LRP1B: variants seen among roughly 807,000 people sequenced by gnomAD.
LRP1B encodes LDL receptor related protein 1B.
Under a neutral mutation model 556.6 loss-of-function variants are expected in LRP1B, and 217 were observed. The ratio of observed to expected loss-of-function variants is 0.39; its 90% CI spans 0.35 to 0.44. LRP1B has a LOEUF of 0.44. LRP1B is among the 20% of genes least tolerant of loss of function. The probability of loss-of-function intolerance (pLI) is 1.00; values close to 1 mark genes in which losing one functional copy is unlikely to be tolerated. For missense variants in LRP1B, 5,053 were observed against 5,620.8 expected (o/e 0.90, Z 3.23); for synonymous variants, 2,047 against 1,865.8 (o/e 1.10, Z -2.50).
At chr2:141,717,193 C>T (rs966880047) in intron 2 of LRP1B, among the ~76,000 whole-genome samples, 3 of 152,146 alleles carry the variant, frequency 2.0e-5, no homozygotes, top group Admixed American at 6.5e-5. Context: ...GTCCAGAAAG[C>T]AATTTTCTCT....
chr2:140,357,849 G>C, intron 74 of LRP1B, 130 bp downstream of exon 74: 1 of 1,063,980 alleles, frequency 9.4e-7, no homozygotes, highest in Non-Finnish European at 1.3e-6. Context: ...TTTGGCAAAG[G>C]TTTTTGAAAA....
chr2:141,912,014 T>C (rs1699918656), intron 1 of LRP1B, among the ~76,000 whole-genome samples: 1 of 152,226 alleles, frequency 6.6e-6, no homozygotes. Flanking sequence ...ATTTAGTCTC[T>C]GAAATGTCTT....
intron 2 of LRP1B, among the ~76,000 whole-genome samples, chr2:141,696,588 A>C (rs1417873256): frequency 6.6e-6 from 1 of 151,962 alleles, no homozygotes; most frequent in Non-Finnish European, 1.5e-5. Context: ...GCTTCTCCAA[A>C]ATATACAGCT....
intron 3 of LRP1B, among the ~76,000 whole-genome samples, chr2:141,300,891 A>C (rs1686366886): frequency 6.6e-6 from 1 of 152,150 alleles, no homozygotes; most frequent in South Asian, 2.1e-4. Context: ...TAGAGTCCTC[A>C]GGTGTTGAGA....
Position 140,853,238 on chromosome 2 carries a change from C to T in LRP1B, c.4580-1455G>A, listed in dbSNP as rs575608200. Among the ~76,000 whole-genome samples, 12 of 152,200 alleles carry T rather than the reference C, an allele frequency of 7.9e-5. No individual in the cohort carries two copies. In the South Asian group the frequency reaches 2.5e-3, roughly 32 times the overall value. ...CCTAAGCCCTGAGGAAAGGAATATC[C>T]TTGTCTCTGAAGACACAGGGACACA... On this transcript the variant is annotated intron_variant, in intron 27 of 90. Coordinates refer to ENST00000389484, the MANE Select transcript of LRP1B (RefSeq NM_018557.3).
chr2:142,039,349 C>T (rs1703989716), intron 1 of LRP1B, among the ~76,000 whole-genome samples: 1 of 151,264 alleles, frequency 6.6e-6, no homozygotes, highest in Non-Finnish European at 1.5e-5. Context: ...TCCTAGGAGC[C>T]ACATTAATTT....
At chr2:141,038,127 A>T (rs78122358) in intron 11 of LRP1B, among the ~76,000 whole-genome samples, 1 of 113,616 alleles carries the variant, frequency 8.8e-6, no homozygotes, top group African/African-American at 2.9e-5. Flanking sequence ...AAAAGTAAAA[A>T]CTAAAAATAA....
intron 1 of LRP1B, among the ~76,000 whole-genome samples, chr2:141,979,776 C>T (rs1378778363): frequency 2.0e-5 from 3 of 152,042 alleles, no homozygotes; most frequent in Non-Finnish European, 2.9e-5. Flanking sequence ...TGCAATAGTT[C>T]AGACACTGCC....
chr2:142,055,704 T>A (rs1371615375), intron 1 of LRP1B, among the ~76,000 whole-genome samples: 2 of 152,148 alleles, frequency 1.3e-5, no homozygotes, highest in Non-Finnish European at 2.9e-5. Context: ...CACAATGTCA[T>A]CCACATGTCC....
At chr2:140,252,460 C>T (rs72910117) in intron 86 of LRP1B, among the ~76,000 whole-genome samples, 5,849 of 151,974 alleles carry the variant, frequency 0.038, 121 homozygotes, top group South Asian at 0.083. Flanking sequence ...CGAGGACGCA[C>T]ATGTTCAAAT....
chr2:140,363,044 C>T (rs1357485929), intron 72 of LRP1B, among the ~76,000 whole-genome samples: 1 of 151,678 alleles, frequency 6.6e-6, no homozygotes, highest in African/African-American at 2.4e-5. Context: ...GCTCCTTCAA[C>T]ACTGTAGCTT....
chr2:140,584,371 T>C (rs946325372), intron 43 of LRP1B, among the ~76,000 whole-genome samples: 10 of 117,786 alleles, frequency 8.5e-5, no homozygotes, highest in African/African-American at 3.2e-4. Context: ...CAAAGTTAAT[T>C]TGGAAGAAAT....
At chr2:141,647,710 T>TTC (rs1228354268) in intron 2 of LRP1B, among the ~76,000 whole-genome samples, 1 of 151,570 alleles carries the variant, frequency 6.6e-6, no homozygotes, top group Non-Finnish European at 1.5e-5. Flanking sequence ...CTAGTTTTTT[T>TTC]TTTTTTAAAT....
chr2:141,527,042 G>T (rs1264026065), intron 2 of LRP1B, among the ~76,000 whole-genome samples: 1 of 152,044 alleles, frequency 6.6e-6, no homozygotes, highest in Non-Finnish European at 1.5e-5. Flanking sequence ...TGTTTCAAGT[G>T]ACCATTCAAA....
chr2:141,485,212 T>C (rs1031859871), intron 2 of LRP1B, among the ~76,000 whole-genome samples: 3 of 152,280 alleles, frequency 2.0e-5, no homozygotes, highest in South Asian at 4.1e-4. Flanking sequence ...ATCTTTGATA[T>C]ACTCTTGTCT....
At chr2:142,064,333 T>C (rs919979214) in intron 1 of LRP1B, among the ~76,000 whole-genome samples, 22 of 151,746 alleles carry the variant, frequency 1.4e-4, no homozygotes, top group African/African-American at 5.1e-4. Context: ...AATTCAAGTA[T>C]GGTGCTCTAT....
intron 84 of LRP1B, among the ~76,000 whole-genome samples, chr2:140,284,905 T>TA (rs1683071148): frequency 4.8e-5 from 5 of 103,374 alleles, no homozygotes; most frequent in Non-Finnish European, 1.0e-4. Context: ...GATATCTATA[T>TA]ACCTATATAC....
intron 83 of LRP1B, among the ~76,000 whole-genome samples, chr2:140,304,168 T>C (rs1179314803): frequency 1.3e-5 from 2 of 152,210 alleles, no homozygotes; most frequent in African/African-American, 4.8e-5. Context: ...CCTTTGGGTA[T>C]ATACCCAGTA....
chr2:140,834,652 C>G (rs1167401162), intron 31 of LRP1B, among the ~76,000 whole-genome samples: 6 of 152,274 alleles, frequency 3.9e-5, no homozygotes, highest in South Asian at 4.1e-4. Flanking sequence ...TGTGTCTAAA[C>G]AGCGGGTCGT....
Sources: gnomAD v4.1 joint callset for allele counts (sites outside exome capture counted in the v4.1 genomes callset) on GRCh38, gnomAD v4.1.1 for gene constraint, MANE v1.5 for transcripts, NCBI Gene and HGNC (gene_info 2026-07-23, HGNC 2026-07-21) for gene names.